FRMD3: variants seen among roughly 807,000 people sequenced by gnomAD.
FRMD3 encodes FERM domain containing 3.
FRMD3 carries 33 observed loss-of-function variants against 70.2 expected under a neutral mutation model. That is an observed-to-expected ratio of 0.47 (90% CI 0.36 to 0.63). FRMD3 has a LOEUF of 0.63. Ranked by LOEUF, FRMD3 falls within the 20% of genes least tolerant of loss-of-function variation. The probability of loss-of-function intolerance (pLI) is 0.00; values close to 1 mark genes in which losing one functional copy is unlikely to be tolerated. For missense variants in FRMD3, 632 were observed against 711.4 expected, an observed-to-expected ratio of 0.89 and a Z score of 1.27; for synonymous variants, 279 against 255.9, an observed-to-expected ratio of 1.09 and a Z score of -0.86.
intron 1 of FRMD3, among the ~76,000 whole-genome samples, chr9:83,416,461 T>C (rs1826444944): frequency 6.6e-6 from 1 of 152,220 alleles, no homozygotes; most frequent in Non-Finnish European, 1.5e-5. Flanking sequence ...TATTTATCAG[T>C]TTATTTGCCT....
At chr9:83,266,885 CT>C in intron 13 of FRMD3, 1 of 993,976 alleles carries the variant, frequency 1.0e-6, no homozygotes. Flanking sequence ...TCCTCTCTCT[CT>C]TTTCATCCTT....
intron 1 of FRMD3, among the ~76,000 whole-genome samples, chr9:83,393,250 A>C (rs1205948849): frequency 1.3e-5 from 2 of 152,192 alleles, no homozygotes; most frequent in Non-Finnish European, 2.9e-5. Flanking sequence ...CTTTTTATAA[A>C]TACTGTACTA....
chr9:83,515,090 G>C (rs79071780), intron 1 of FRMD3, among the ~76,000 whole-genome samples: 1 of 152,158 alleles, frequency 6.6e-6, no homozygotes, highest in Non-Finnish European at 1.5e-5. Context: ...TCACCAGCAA[G>C]AGCAAAAAAC....
chr9:83,447,185 A>G (rs936337042), intron 1 of FRMD3, among the ~76,000 whole-genome samples: 2 of 152,086 alleles, frequency 1.3e-5, no homozygotes, highest in African/African-American at 2.4e-5. Flanking sequence ...CACCACGCAC[A>G]GCTAATTTTT....
Position 83,343,293 on chromosome 9 carries a change from A to G in FRMD3, c.375-6T>C. ...TCTGAAGGTATAAAAGGTATCTGCA[A>G]TACAAAAGGAGAAATGGTCACTCTA... On this transcript the variant is annotated splice_polypyrimidine_tract_variant and splice_region_variant and intron_variant, in intron 4 of 13. Coordinates refer to ENST00000304195, the MANE Select transcript of FRMD3 (RefSeq NM_174938.6). 1 of 1,588,586 alleles carries G rather than the reference A, an allele frequency of 6.3e-7. No individual in the cohort carries two copies. Among genetic ancestry groups the G allele is most frequent in the African/African-American group, 1.3e-5 (1 of 74,546 alleles).
intron 1 of FRMD3, among the ~76,000 whole-genome samples, chr9:83,475,123 G>A (rs1484896005): frequency 6.6e-6 from 1 of 151,868 alleles, no homozygotes. Flanking sequence ...AAATTACCGG[G>A]CATACCAAGA....
chr9:83,488,468 C>T (rs1828734555), intron 1 of FRMD3, among the ~76,000 whole-genome samples: 1 of 152,172 alleles, frequency 6.6e-6, no homozygotes, highest in Admixed American at 6.5e-5. Context: ...AAGCACCCAA[C>T]TACTTAAAAC....
chr9:83,355,942 G>A (rs1048907798), intron 3 of FRMD3, among the ~76,000 whole-genome samples: 1 of 152,198 alleles, frequency 6.6e-6, no homozygotes, highest in African/African-American at 2.4e-5. Context: ...ACTGATAGCT[G>A]CCAGACAAGG....
chr9:83,306,490 C>T (rs917036923), intron 10 of FRMD3, among the ~76,000 whole-genome samples: 2 of 152,178 alleles, frequency 1.3e-5, no homozygotes, highest in Admixed American at 1.3e-4. Flanking sequence ...TGCCATGGTA[C>T]CCTACGGGAG....
At chr9:83,420,937 C>CTTTTTTTTTTT (rs897070718) in intron 1 of FRMD3, among the ~76,000 whole-genome samples, 1 of 107,718 alleles carries the variant, frequency 9.3e-6, no homozygotes, top group African/African-American at 3.8e-5. Flanking sequence ...TTTCTTTCTT[C>CTTTTTTTTTTT]TTTTTTTTTT....
the FRMD3 span, among the ~76,000 whole-genome samples, chr9:83,560,534 T>A: frequency 5.3e-3 from 805 of 152,298 alleles, 4 homozygotes; most frequent in African/African-American, 0.018. Flanking sequence ...AATGTGCACA[T>A]TTGTGAGAGT....
At chr9:83,499,043 G>A (rs1829006962) in intron 1 of FRMD3, among the ~76,000 whole-genome samples, 1 of 152,146 alleles carries the variant, frequency 6.6e-6, no homozygotes, top group Admixed American at 6.5e-5. Context: ...TCACCAAGAT[G>A]CAAAAATCTT....
rs1373776670 is a variant in FRMD3, at chr9:83,538,169, C to A, written c.63G>T (p.Arg21=). The change falls in exon 1 of 14, where the codon CGG becomes CGT. Residue 21 remains arginine (R), a synonymous_variant. Coordinates refer to ENST00000304195, the MANE Select transcript of FRMD3 (RefSeq NM_174938.6). The surrounding 1 kb of genome is among the most constrained non-coding windows in gnomAD (Gnocchi z 4.7). ...GRRTMKMIHF[R]SSSVKSLSQE... ...GGCTGAGCGATTTGACGCTGGAGCT[C>A]CGAAAGTGGATCATTTTCATGGTCC... 6.2e-7 allele frequency: 1 copy of A among 1,611,734 alleles called. No individual in the cohort carries two copies. Among genetic ancestry groups the A allele is most frequent in the Non-Finnish European group, 8.5e-7 (1 of 1,179,016 alleles).
At chr9:83,558,448 G>GT in the FRMD3 span, among the ~76,000 whole-genome samples, 1 of 152,290 alleles carries the variant, frequency 6.6e-6, no homozygotes, top group Non-Finnish European at 1.5e-5. Flanking sequence ...GCTGACATCT[G>GT]TATGTGCTGA....
chr9:83,320,054 T>C (rs1835733938), intron 6 of FRMD3, among the ~76,000 whole-genome samples: 1 of 152,222 alleles, frequency 6.6e-6, no homozygotes, highest in East Asian at 1.9e-4. Context: ...TAAGAATCTT[T>C]TGGTAGCGAT....
intron 6 of FRMD3, among the ~76,000 whole-genome samples, chr9:83,333,405 C>T (rs1413054987): frequency 3.9e-5 from 6 of 152,206 alleles, no homozygotes; most frequent in East Asian, 1.9e-4. Context: ...TGATGACCCC[C>T]GTCTTCCCTG....
At chr9:83,552,922 A>G in the FRMD3 span, among the ~76,000 whole-genome samples, 23 of 151,596 alleles carry the variant, frequency 1.5e-4, no homozygotes, top group Admixed American at 3.3e-4. Flanking sequence ...TTGCTTTTTT[A>G]TTATTATTAT....
chr9:83,363,782 C>A (rs184337954), intron 3 of FRMD3, among the ~76,000 whole-genome samples: 1 of 152,214 alleles, frequency 6.6e-6, no homozygotes, highest in Non-Finnish European at 1.5e-5. Flanking sequence ...TCTCGATCTC[C>A]TGACCTCGTG....
intron 1 of FRMD3, among the ~76,000 whole-genome samples, chr9:83,493,294 A>C (rs1312859719): frequency 2.0e-5 from 3 of 152,190 alleles, no homozygotes; most frequent in Admixed American, 1.3e-4. Flanking sequence ...GAACTTCCTC[A>C]AGTTTAGGAA....
Sources: gnomAD v4.1 joint callset for allele counts (sites outside exome capture counted in the v4.1 genomes callset) on GRCh38, gnomAD v4.1.1 for gene constraint, Gnocchi (gnomAD v3.1) non-coding constraint, MANE v1.5 for transcripts, NCBI Gene and HGNC (gene_info 2026-07-23, HGNC 2026-07-21) for gene names.